The following TENM4 variants were observed in gnomAD, a reference collection of about 807,000 sequenced individuals.
TENM4 encodes the protein teneurin-4.
A neutral mutation model predicts 243.3 loss-of-function variants in TENM4; 82 were observed. That is an observed-to-expected ratio of 0.34 (90% CI 0.28 to 0.40). The LOEUF (loss-of-function observed/expected upper bound fraction) is 0.40, where lower values mean the gene tolerates loss of function less well. Among genes scored for constraint, TENM4 ranks in the 10% least tolerant of loss-of-function variants. The probability of loss-of-function intolerance (pLI) is 1.00; values close to 1 mark genes in which losing one functional copy is unlikely to be tolerated. For missense variants in TENM4, 3,138 were observed against 3,673.3 expected (o/e 0.85, Z 3.77); for synonymous variants, 1,412 against 1,456.3 (o/e 0.97, Z 0.69).
intron 32 of TENM4, among the ~76,000 whole-genome samples, chr11:78,663,012 A>G (rs1858069383): frequency 6.6e-6 from 1 of 152,218 alleles, no homozygotes; most frequent in Non-Finnish European, 1.5e-5. Flanking sequence ...GTGTTCAGGT[A>G]ACCAGAGAGC....
At chr11:79,103,496 A>G (rs757251396) in intron 4 of TENM4, among the ~76,000 whole-genome samples, 1 of 152,132 alleles carries the variant, frequency 6.6e-6, no homozygotes, top group African/African-American at 2.4e-5. Flanking sequence ...GACTTCCACC[A>G]AGGCCCTTCC....
At position 78,771,259 on chromosome 11, in the gene TENM4, C is replaced by T. The variant is rs1469147752; in HGVS notation, c.2393-121G>A. On this transcript the variant is annotated intron_variant, in intron 17 of 33. Transcript: ENST00000278550. ...ATATCCATCAGCACACGAATGCCCA[C>T]AGCAGCCCAGGGAGGTAGGTATCAT... 2.1e-5 allele frequency: 26 copies of T among 1,233,860 alleles called. No individual in the cohort carries two copies. In the South Asian group the frequency reaches 3.2e-4, roughly 15 times the overall value. The allele number at this position is 1,233,860 out of a possible 1,614,324, so 76.4% of individuals were successfully genotyped here. A position where few individuals can be genotyped will look rare whatever the true frequency, so the allele number is the denominator to read the frequency against.
chr11:79,018,166 T>C (rs1041032062), intron 6 of TENM4, among the ~76,000 whole-genome samples: 9 of 152,202 alleles, frequency 5.9e-5, no homozygotes, highest in African/African-American at 1.7e-4. Flanking sequence ...TTTGTTACCC[T>C]GGAACCCTGA....
At chr11:79,145,465 T>A (rs1448125363) in intron 4 of TENM4, among the ~76,000 whole-genome samples, 1 of 152,128 alleles carries the variant, frequency 6.6e-6, no homozygotes, top group Non-Finnish European at 1.5e-5. Flanking sequence ...CCTGGCTTTG[T>A]ACTTTTTTAA....
intron 12 of TENM4, among the ~76,000 whole-genome samples, chr11:78,843,760 C>T (rs576253260): frequency 6.6e-6 from 1 of 152,286 alleles, no homozygotes; most frequent in South Asian, 2.1e-4. Flanking sequence ...TTAAGGAGTA[C>T]TGGCAAAGAA....
intron 6 of TENM4, among the ~76,000 whole-genome samples, chr11:78,980,837 T>G (rs1337413240): frequency 1.3e-5 from 2 of 152,252 alleles, no homozygotes; most frequent in Admixed American, 1.3e-4. Flanking sequence ...CTACCTGCTC[T>G]GTGCCAGGTA....
intron 6 of TENM4, among the ~76,000 whole-genome samples, chr11:79,013,126 G>A (rs1858689551): frequency 6.6e-6 from 1 of 152,104 alleles, no homozygotes; most frequent in South Asian, 2.1e-4. Flanking sequence ...TGATATTATG[G>A]TGCCTCTTTC....
chr11:79,074,892 G>T (rs1860500172), intron 4 of TENM4, among the ~76,000 whole-genome samples: 1 of 152,176 alleles, frequency 6.6e-6, no homozygotes, highest in African/African-American at 2.4e-5. Flanking sequence ...CAGGACCAGG[G>T]ATGTGCCAGT....
At chr11:79,178,688 G>T (rs923014953) in intron 3 of TENM4, among the ~76,000 whole-genome samples, 1 of 152,160 alleles carries the variant, frequency 6.6e-6, no homozygotes, top group Non-Finnish European at 1.5e-5. Flanking sequence ...CGGGGAGAAA[G>T]GTTGACTGGA....
rs568403226 is a variant in TENM4, at chr11:78,901,116, T to C, written c.749+2152A>G. Among the ~76,000 whole-genome samples, 10 of 152,096 alleles carry C rather than the reference T, an allele frequency of 6.6e-5. No homozygotes were observed. The East Asian group carries it at 1.7e-3, about 27-fold the overall frequency. On this transcript the variant is annotated intron_variant, in intron 7 of 33. Coordinates refer to ENST00000278550, the MANE Select transcript of TENM4 (RefSeq NM_001098816.3). ...GAAAAGGCATGAAAGGGCCTCGCAT[T>C]GGGGGAAATACATGTACATGCACAT...
chr11:78,658,772 G>C lies in TENM4; in HGVS notation c.7596C>G (p.Ala2532=). The C allele has an allele frequency of 3.1e-6, 5 of 1,613,922 alleles. No homozygotes were observed. Among genetic ancestry groups the C allele is most frequent in the South Asian group, 1.1e-5 (1 of 91,072 alleles). ...VQCEVQKQLK[A]FVTLERFDQL... ...GGTCAAACCGTTCTAAGGTGACAAA[G>C]GCCTTGAGCTGCTTCTGTACTTCAC... Residue 2532 remains alanine (A), a synonymous_variant, in exon 34 of 34, where the codon GCC becomes GCG. Transcript: ENST00000278550.
chr11:79,176,027 G>A (rs1863151989), intron 3 of TENM4, among the ~76,000 whole-genome samples: 1 of 152,190 alleles, frequency 6.6e-6, no homozygotes, highest in Non-Finnish European at 1.5e-5. Flanking sequence ...AGGAGGTCGA[G>A]GCTGCGGTGA....
intron 2 of TENM4, among the ~76,000 whole-genome samples, chr11:79,263,995 C>T (rs941485347): frequency 3.9e-5 from 6 of 152,172 alleles, no homozygotes; most frequent in Non-Finnish European, 8.8e-5. Flanking sequence ...TGGACCTATG[C>T]AGTTCAAACC....
intron 9 of TENM4, among the ~76,000 whole-genome samples, chr11:78,879,502 A>T (rs7106770): frequency 9.0e-5 from 7 of 77,544 alleles, no homozygotes; most frequent in Admixed American, 2.9e-4. Context: ...TCTACCTGGC[A>T]GCCCCGTCTG....
intron 6 of TENM4, among the ~76,000 whole-genome samples, chr11:79,038,551 A>C (rs1467308321): frequency 6.6e-6 from 1 of 152,176 alleles, no homozygotes; most frequent in African/African-American, 2.4e-5. Context: ...TTTGAGTTTG[A>C]GGTGATGACT....
intron 6 of TENM4, among the ~76,000 whole-genome samples, chr11:79,005,520 A>T (rs1201728929): frequency 6.6e-6 from 1 of 152,210 alleles, no homozygotes; most frequent in Non-Finnish European, 1.5e-5. Flanking sequence ...CATCTCAAAG[A>T]GGCAGAAAAG....
intron 6 of TENM4, among the ~76,000 whole-genome samples, chr11:78,954,042 C>G (rs938345278): frequency 6.6e-6 from 1 of 152,060 alleles, no homozygotes; most frequent in African/African-American, 2.4e-5. Flanking sequence ...GTTGTTTAAT[C>G]TCAAACACCT....
At chr11:79,150,855 G>A (rs1029622188) in intron 3 of TENM4, among the ~76,000 whole-genome samples, 1 of 151,896 alleles carries the variant, frequency 6.6e-6, no homozygotes, top group Non-Finnish European at 1.5e-5. Flanking sequence ...CTTTATTAAG[G>A]GCATACCAAT....
chr11:79,330,201 C>G (rs562490275), intron 1 of TENM4, among the ~76,000 whole-genome samples: 14 of 152,302 alleles, frequency 9.2e-5, no homozygotes, highest in Middle Eastern at 3.4e-3. Flanking sequence ...ACTCTTGAAG[C>G]TGGTGTGAGC....
Sources: gnomAD v4.1 joint callset for allele counts (sites outside exome capture counted in the v4.1 genomes callset) on GRCh38, gnomAD v4.1.1 for gene constraint, MANE v1.5 for transcripts, NCBI Gene and HGNC (gene_info 2026-07-23, HGNC 2026-07-21) for gene names.